The following SRGAP3 variants were observed in gnomAD, a reference collection of about 807,000 sequenced individuals.
SRGAP3 encodes the protein SLIT-ROBO Rho GTPase activating protein 3, also known as SLIT-ROBO Rho GTPase-activating protein 3.
A neutral mutation model predicts 121.1 loss-of-function variants in SRGAP3; 39 were observed. That is an observed-to-expected ratio of 0.32 (90% confidence interval 0.25 to 0.42). The LOEUF (loss-of-function observed/expected upper bound fraction) is 0.42, where lower values mean the gene tolerates loss of function less well. SRGAP3 is among the 10% of genes least tolerant of loss of function. SRGAP3 has a pLI of 1.00. For synonymous variants in SRGAP3, 601 were observed against 570.0 expected, an observed-to-expected ratio of 1.05 and a Z score of -0.77; for missense variants, 1,213 against 1,470.6, an observed-to-expected ratio of 0.82 and a Z score of 2.86.
intron 1 of SRGAP3, among the ~76,000 whole-genome samples, chr3:9,198,921 C>T (rs944354622): frequency 6.6e-6 from 1 of 152,146 alleles, no homozygotes; most frequent in Non-Finnish European, 1.5e-5. Flanking sequence ...CAAGAAAAGA[C>T]GGGCAGCAAG....
intron 1 of SRGAP3, chr3:9,348,358 C>A (rs1333834187): frequency 2.2e-6 from 1 of 462,762 alleles, no homozygotes; most frequent in Non-Finnish European, 4.0e-6. Context: ...GGGAGAAAGA[C>A]TAAAAGTAAT....
intron 7 of SRGAP3, 23 bp downstream of exon 7, chr3:9,058,228 C>A (rs866821472): frequency 3.1e-6 from 5 of 1,611,708 alleles, no homozygotes; most frequent in Non-Finnish European, 3.4e-6. Flanking sequence ...AGCCCCAAGC[C>A]CGGGCTCCAG....
chr3:8,993,055 C>T lies in SRGAP3; in HGVS notation c.2409G>A (p.Met803Ile), dbSNP rs774821102. ...IPHQYIVVQD[M>I]DDAFSDSLSQ... ...TCAGGCTGTCGGAGAAGGCATCATCCCTGGGGAGAAGACAGACATGAATTG... is the reference window on the plus strand; with the variant it reads ...TCAGGCTGTCGGAGAAGGCATCATCTCTGGGGAGAAGACAGACATGAATTG... Residue 803 changes from methionine to isoleucine, a missense_variant and splice_region_variant, in exon 20 of 22, where the codon ATG becomes ATA. This residue lies in a region of SRGAP3 where 420 missense variants were observed against 437.7 expected (regional missense o/e 0.96). Coordinates refer to ENST00000383836, the MANE Select transcript of SRGAP3 (RefSeq NM_014850.4). 1.2e-6 allele frequency: 2 copies of T among 1,614,004 alleles called. No individual in the cohort carries two copies. The highest frequency in any genetic ancestry group is 1.7e-5 in the Admixed American group (1 of 60,024).
intron 3 of SRGAP3, among the ~76,000 whole-genome samples, chr3:9,292,181 C>T (rs569519491): frequency 3.6e-4 from 55 of 152,354 alleles, no homozygotes; most frequent in African/African-American, 1.3e-3. Flanking sequence ...GGTTCTCAAA[C>T]TGTAGCGTGC....
At chr3:9,277,607 C>CA (rs35955575) in intron 3 of SRGAP3, among the ~76,000 whole-genome samples, 19,712 of 59,150 alleles carry the variant, frequency 0.33, 3,143 homozygotes, top group Non-Finnish European at 0.39. Context: ...GAAGCCATCT[C>CA]AAAAAAAAAA....
At chr3:9,291,760 T>C (rs1954874434) in intron 3 of SRGAP3, among the ~76,000 whole-genome samples, 1 of 152,216 alleles carries the variant, frequency 6.6e-6, no homozygotes, top group African/African-American at 2.4e-5. Context: ...TCGAATCAGA[T>C]TTTTATATAA....
intron 2 of SRGAP3, among the ~76,000 whole-genome samples, chr3:9,108,137 G>T (rs185287174): frequency 6.6e-6 from 1 of 152,242 alleles, no homozygotes; most frequent in East Asian, 1.9e-4. Context: ...CTAAGGGGGT[G>T]GGACCCCTTA....
At chr3:9,161,891 C>T (rs138874822) in intron 1 of SRGAP3, among the ~76,000 whole-genome samples, 14 of 151,996 alleles carry the variant, frequency 9.2e-5, no homozygotes, top group African/African-American at 3.4e-4. Flanking sequence ...GCATCATTCA[C>T]AACAGCCAAA....
intron 11 of SRGAP3, chr3:9,037,838 A>G (rs987997420): frequency 1.7e-5 from 10 of 605,848 alleles, no homozygotes; most frequent in Non-Finnish European, 2.6e-5. Context: ...CAGCCCCAAA[A>G]GCGCCCCTTC....
chr3:9,038,775 T>G (rs1201135929), intron 10 of SRGAP3, among the ~76,000 whole-genome samples: 1 of 152,226 alleles, frequency 6.6e-6, no homozygotes, highest in Non-Finnish European at 1.5e-5. Flanking sequence ...TTCCATCCCC[T>G]CTGTCCTTCT....
At position 9,192,009 on chromosome 3, in the gene SRGAP3, C is replaced by T. The variant is rs192383088; in HGVS notation, c.67+56876G>A. Among the ~76,000 whole-genome samples, 21 of 152,296 alleles carry T rather than the reference C, an allele frequency of 1.4e-4. No homozygotes were observed. The East Asian group carries it at 4.1e-3, about 29-fold the overall frequency. On this transcript the variant is annotated intron_variant, in intron 1 of 21. Transcript: ENST00000383836. ...TGTTGGCACCTCATTTCCTGTAAAG[C>T]CTGCAGAACCATGAGCGAATTAAAT... is the stretch of plus-strand genomic sequence containing the variant.
chr3:9,327,937 C>G (rs761325852), intron 2 of SRGAP3, among the ~76,000 whole-genome samples: 1 of 152,166 alleles, frequency 6.6e-6, no homozygotes, highest in African/African-American at 2.4e-5. Flanking sequence ...TCTTCATAAC[C>G]TTCTTTGCAT....
chr3:9,149,384 G>A lies in SRGAP3; in HGVS notation c.68-24467C>T, dbSNP rs138332740. 1.4e-3 allele frequency among the ~76,000 whole-genome samples: 213 copies of A among 152,252 alleles called. 3 individuals are homozygous for A. The highest frequency in any genetic ancestry group is 5.0e-3 in the African/African-American group (207 of 41,536). On this transcript the variant is annotated intron_variant, in intron 1 of 21. Transcript: ENST00000383836. ...CCCAGGACTTTTGATGTCCCATGAG[G>A]CAGGTTAATTGCATTAATAGCCCCA...
intron 15 of SRGAP3, 167 bp from the exon 16 acceptor site, chr3:9,014,009 T>C: frequency 1.4e-6 from 1 of 695,800 alleles, no homozygotes; most frequent in Middle Eastern, 2.6e-4. Flanking sequence ...AGAGCATCCA[T>C]CTCCCTAGCT....
intron 2 of SRGAP3, among the ~76,000 whole-genome samples, chr3:9,122,583 C>G (rs1276288917): frequency 3.3e-5 from 5 of 151,948 alleles, no homozygotes. Context: ...GTGGCGGGCA[C>G]CTGTAGTCCC....
chr3:9,346,310 T>C (rs996952203), intron 1 of SRGAP3, among the ~76,000 whole-genome samples: 12 of 152,160 alleles, frequency 7.9e-5, no homozygotes, highest in Admixed American at 3.3e-4. Context: ...AGTGGTGAAA[T>C]CATAGCTCAC....
At chr3:9,153,980 C>G (rs1474495373) in intron 1 of SRGAP3, among the ~76,000 whole-genome samples, 1 of 152,110 alleles carries the variant, frequency 6.6e-6, no homozygotes, top group Non-Finnish European at 1.5e-5. Context: ...CCACCACTCC[C>G]ACCCACGTCC....
chr3:8,988,405 A>C (rs1283574028), intron 21 of SRGAP3, among the ~76,000 whole-genome samples: 1 of 152,212 alleles, frequency 6.6e-6, no homozygotes, highest in African/African-American at 2.4e-5. Flanking sequence ...CTGAGGCTGG[A>C]AACTCTCCAG....
chr3:9,129,882 C>T (rs1010765475), intron 1 of SRGAP3, among the ~76,000 whole-genome samples: 2 of 152,008 alleles, frequency 1.3e-5, no homozygotes, highest in African/African-American at 4.8e-5. Context: ...CTTCTTCAGC[C>T]TCCCAAGTAG....
Sources: gnomAD v4.1 joint callset for allele counts (sites outside exome capture counted in the v4.1 genomes callset) on GRCh38, gnomAD v4.1.1 for gene constraint, gnomAD v4.1.1 regional missense constraint, MANE v1.5 for transcripts, NCBI Gene and HGNC (gene_info 2026-07-23, HGNC 2026-07-21) for gene names.